SLCO4A1: variants seen among roughly 807,000 people sequenced by gnomAD.
The protein encoded by SLCO4A1 is solute carrier organic anion transporter family member 4A1, also known as colon organic anion transporter.
In SLCO4A1, 51 loss-of-function variants were observed where a neutral mutation model predicts 64.6. That is an observed-to-expected ratio of 0.79 (90% CI 0.63 to 1.00). The LOEUF (loss-of-function observed/expected upper bound fraction) is 1.00, where lower values mean the gene tolerates loss of function less well. Ranked by LOEUF, SLCO4A1 falls within the 50% of genes least tolerant of loss-of-function variation. SLCO4A1 has a pLI of 0.00. For missense variants in SLCO4A1, 919 were observed against 980.5 expected, an observed-to-expected ratio of 0.94 and a Z score of 0.84; for synonymous variants, 471 against 444.9, an observed-to-expected ratio of 1.06 and a Z score of -0.74.
intron 2 of SLCO4A1, among the ~76,000 whole-genome samples, chr20:62,683,690 T>G (rs1987937350): frequency 6.6e-6 from 1 of 152,198 alleles, no homozygotes; most frequent in South Asian, 2.1e-4. Context: ...TTTGTAGCCT[T>G]GGAGCAACGG....
intron 3 of SLCO4A1, among the ~76,000 whole-genome samples, chr20:62,660,067 G>A (rs1316806070): frequency 1.3e-5 from 2 of 149,862 alleles, no homozygotes; most frequent in African/African-American, 5.1e-5. Flanking sequence ...TGCACTGTGG[G>A]GAGGGATGCC....
intron 2 of SLCO4A1, among the ~76,000 whole-genome samples, chr20:62,684,913 G>A (rs997926609): frequency 1.3e-5 from 2 of 152,142 alleles, no homozygotes; most frequent in South Asian, 2.1e-4. Flanking sequence ...GCTGGGCAAC[G>A]AGAGCTGCGA....
chr20:62,652,370 T>C (rs1443004336), intron 1 of SLCO4A1, among the ~76,000 whole-genome samples: 2 of 152,184 alleles, frequency 1.3e-5, no homozygotes, highest in Admixed American at 1.3e-4. Context: ...GCTCTGAGCC[T>C]GGCCTGTCCT....
rs142725476 is a variant in SLCO4A1, at chr20:62,661,094, C to T, written c.1040C>T (p.Ala347Val). 1,074 of 1,474,842 alleles carry T rather than the reference C, an allele frequency of 7.3e-4. 4 individuals carry two copies. The highest frequency in any genetic ancestry group is 1.6e-3 in the South Asian group (145 of 89,548). The allele number at this position is 1,474,842 out of a possible 1,614,324, so 91.4% of individuals were successfully genotyped here. A position where few individuals can be genotyped will look rare whatever the true frequency, so the allele number is the denominator to read the frequency against. ...GSQRYAVMRA[A>V]EMHQLKDSSR... ...CAGCGCTACGCGGTCATGAGAGCGG[C>T]GGAAATGCACCAGTTGAAGGACAGC... The change falls in exon 5 of 12, where the codon GCG (alanine) becomes GTG (valine). Residue 347 changes from alanine (A) to valine (V), a missense_variant. Ala to Val is a moderately conservative substitution (Grantham distance 64). Coordinates refer to ENST00000217159, the MANE Select transcript of SLCO4A1 (RefSeq NM_016354.4). This position sits in a 1 kb window ranked among gnomAD's most constrained non-coding sequence, Gnocchi z 5.2.
chr20:62,671,692 G>T, intron 11 of SLCO4A1, 58 bp from the exon 12 acceptor site: 8 of 1,538,660 alleles, frequency 5.2e-6, no homozygotes, highest in Non-Finnish European at 7.1e-6. Context: ...AGGCCCACCA[G>T]TATCCAAAGG....
At chr20:62,668,722 G>A (rs1601675623) in intron 10 of SLCO4A1, among the ~76,000 whole-genome samples, 181 bp downstream of exon 10, 3 of 152,112 alleles carry the variant, frequency 2.0e-5, no homozygotes, top group African/African-American at 7.2e-5. Flanking sequence ...TTGCCCAAAG[G>A]CTTTCCCTGG....
At chr20:62,657,759 G>A (rs1186733672) in intron 2 of SLCO4A1, among the ~76,000 whole-genome samples, 1 of 152,250 alleles carries the variant, frequency 6.6e-6, no homozygotes, top group Non-Finnish European at 1.5e-5. Flanking sequence ...CCACACCCAC[G>A]TCTGCCCGTA....
intron 2 of SLCO4A1, among the ~76,000 whole-genome samples, chr20:62,684,430 G>A (rs752488829): frequency 2.0e-5 from 3 of 152,194 alleles, no homozygotes; most frequent in Non-Finnish European, 4.4e-5. Flanking sequence ...TGGCCTCAGA[G>A]CTCATCAGCC....
intron 1 of SLCO4A1, among the ~76,000 whole-genome samples, chr20:62,655,830 T>C (rs1184075274): frequency 1.3e-5 from 2 of 152,076 alleles, no homozygotes; most frequent in Non-Finnish European, 2.9e-5. Context: ...CGCCAAAGGG[T>C]GCAGAGAGCT....
downstream of SLCO4A1, among the ~76,000 whole-genome samples, chr20:62,673,535 C>G (rs1369796838): frequency 2.1e-5 from 3 of 144,050 alleles, no homozygotes; most frequent in South Asian, 2.2e-4. Context: ...TGCCACATCC[C>G]TGACCGGGTT....
chr20:62,658,489 G>C (rs1029137119), intron 2 of SLCO4A1, among the ~76,000 whole-genome samples, 188 bp from the exon 3 acceptor site: 1 of 152,250 alleles, frequency 6.6e-6, no homozygotes, highest in Non-Finnish European at 1.5e-5. Context: ...TTTAAAGATT[G>C]ATGCTGACCC....
intron 5 of SLCO4A1, among the ~76,000 whole-genome samples, chr20:62,662,756 G>T (rs1173265278): frequency 7.2e-6 from 1 of 139,540 alleles, no homozygotes; most frequent in Non-Finnish European, 1.6e-5. Flanking sequence ...CCCCCCATAT[G>T]CCAGGACCCC....
Position 62,661,041 on chromosome 20 carries a change from C to CCCCCCCCCCCCCCA in SLCO4A1, c.1010-23_1010-22insCCCCCCCCCCCCCA. The stretch of plus-strand genomic sequence containing the variant: ...TCCGGGAGCCCCCAGCCCCCAGCCC[C>CCCCCCCCCCCCCCA]AGCTCACTCTGTGCCCTTCCAGGCT... On this transcript the variant is annotated intron_variant, in intron 4 of 11. Coordinates refer to ENST00000217159, the MANE Select transcript of SLCO4A1 (RefSeq NM_016354.4). This position sits in a 1 kb window ranked among gnomAD's most constrained non-coding sequence, Gnocchi z 5.2. The CCCCCCCCCCCCCCA allele has an allele frequency of 3.5e-6, 5 of 1,424,140 alleles. No individual in the cohort carries two copies. Among genetic ancestry groups the CCCCCCCCCCCCCCA allele is most frequent in the Non-Finnish European group, 4.0e-6 (4 of 1,010,140 alleles). The allele number at this position is 1,424,140 out of a possible 1,614,324, so 88.2% of individuals were successfully genotyped here. A position where few individuals can be genotyped will look rare whatever the true frequency, so the allele number is the denominator to read the frequency against.
chr20:62,665,224 G>T lies in SLCO4A1; in HGVS notation c.1276+136G>T, dbSNP rs1398981968. The T allele has an allele frequency of 1.6e-5, 16 of 1,008,138 alleles. No homozygotes were observed. In the Admixed American group the frequency reaches 3.5e-4, roughly 22 times the overall value. 62.4% of individuals were successfully genotyped at this position (1,008,138 alleles called of 1,614,324 possible). A position where few individuals can be genotyped will look rare whatever the true frequency, so the allele number is the denominator to read the frequency against. ...CCTCCCACCCCCGCTGCCAGAGCAG[G>T]TGTGGAGAGCGCCACGGGGGCTGAG... On this transcript the variant is annotated intron_variant, in intron 6 of 11. Transcript: ENST00000217159.
At position 62,656,439 on chromosome 20, in the gene SLCO4A1, A is replaced by G; in HGVS notation, c.-16A>G. Reference sequence around the variant, plus strand: ...GCGTGGCTGAAGCCTCGAGGTCACCAGGCGGAGGCGCGGAGATGCCCCTGC... The same window carrying G: ...GCGTGGCTGAAGCCTCGAGGTCACCGGGCGGAGGCGCGGAGATGCCCCTGC... On this transcript the variant is annotated 5_prime_UTR_variant, in exon 2 of 12. Transcript: ENST00000217159. The G allele has an allele frequency of 6.9e-7, 1 of 1,459,070 alleles. No homozygotes were observed. The highest frequency in any genetic ancestry group is 9.0e-7 in the Non-Finnish European group (1 of 1,105,664). 90.4% of individuals were successfully genotyped at this position (1,459,070 alleles called of 1,614,324 possible).
chr20:62,672,974 G>T (rs745956262), downstream of SLCO4A1, among the ~76,000 whole-genome samples: 7 of 104,782 alleles, frequency 6.7e-5, no homozygotes, highest in Admixed American at 2.8e-4. Context: ...AGTCTGCAGC[G>T]CCTGCCAGGA....
In SLCO4A1 at chr20:62,667,649, C is replaced by G. The variant is rs1304957432; in HGVS notation, c.1473-96C>G. Reference sequence around the variant, plus strand: ...CAAGTTTGTAGACCCGAAATGCAGGCTGCATGGGGACGAGCCCCATGGCTG... The same window carrying G: ...CAAGTTTGTAGACCCGAAATGCAGGGTGCATGGGGACGAGCCCCATGGCTG... On this transcript the variant is annotated intron_variant, in intron 7 of 11. Coordinates refer to ENST00000217159, the MANE Select transcript of SLCO4A1 (RefSeq NM_016354.4). 8.4e-6 allele frequency: 12 copies of G among 1,420,964 alleles called. No individual in the cohort carries two copies. The East Asian group carries it at 2.5e-4, about 30-fold the overall frequency. 88.0% of individuals were successfully genotyped at this position (1,420,964 alleles called of 1,614,324 possible).
rs982827950 is a variant in SLCO4A1 at position 62,656,756 on chromosome 20, C to A, written c.302C>A (p.Thr101Lys). The A allele has an allele frequency of 6.2e-7, 1 of 1,612,554 alleles. No homozygotes were observed. Among genetic ancestry groups the A allele is most frequent in the East Asian group, 2.2e-5 (1 of 44,872 alleles). The change falls in exon 2 of 12, where the codon ACG (threonine) becomes AAG (lysine). Residue 101 changes from threonine to lysine, a missense_variant. Coordinates refer to ENST00000217159, the MANE Select transcript of SLCO4A1 (RefSeq NM_016354.4). ...CCGCCGTGCCTGCAGGTCCTCAACA[C>A]GCCCAAGGGCATCCTGTTCTTCCTG... ...FAPPCLQVLN[T>K]PKGILFFLCA...
At chr20:62,680,007 C>G (rs1987757094) in intron 2 of SLCO4A1, among the ~76,000 whole-genome samples, 1 of 152,208 alleles carries the variant, frequency 6.6e-6, no homozygotes, top group Non-Finnish European at 1.5e-5. Flanking sequence ...AGGGCTACCC[C>G]CAGGAATCCC....
Sources: gnomAD v4.1 joint callset for allele counts (sites outside exome capture counted in the v4.1 genomes callset) on GRCh38, gnomAD v4.1.1 for gene constraint, Gnocchi (gnomAD v3.1) non-coding constraint, MANE v1.5 for transcripts, NCBI Gene and HGNC (gene_info 2026-07-23, HGNC 2026-07-21) for gene names.